Variants in ADAM32 observed in about 807,000 individuals in gnomAD.
ADAM32 encodes ADAM metallopeptidase domain 32.
A neutral mutation model predicts 114.9 loss-of-function variants in ADAM32; 89 were observed. The observed-to-expected ratio is 0.77, with a 90% CI of 0.65 to 0.92. The LOEUF is 0.92. Among genes scored for constraint, ADAM32 ranks in the 40% least tolerant of loss-of-function variants. The probability of loss-of-function intolerance (pLI) is 0.00; values close to 1 mark genes in which losing one functional copy is unlikely to be tolerated. For synonymous variants in ADAM32, 285 were observed against 307.5 expected (o/e 0.93, Z 0.77); for missense variants, 870 against 932.8 (o/e 0.93, Z 0.88).
At chr8:39,223,508 G>A (rs1461715100) in intron 14 of ADAM32, 2 of 185,024 alleles carry the variant, frequency 1.1e-5, no homozygotes, top group Non-Finnish European at 2.2e-5. Flanking sequence ...CTTTGCTGAC[G>A]TATAATTGAC....
intron 8 of ADAM32, 89 bp downstream of exon 8, chr8:39,164,924 C>A: frequency 6.7e-7 from 1 of 1,490,658 alleles, no homozygotes; most frequent in Non-Finnish European, 9.2e-7. Context: ...GATAATTAAC[C>A]CACCCATATA....
chr8:39,122,742 A>G (rs1217642521), intron 2 of ADAM32, among the ~76,000 whole-genome samples: 1 of 151,968 alleles, frequency 6.6e-6, no homozygotes, highest in Non-Finnish European at 1.5e-5. Flanking sequence ...ACGCTTGGCT[A>G]TTTTTTGGTA....
chr8:39,121,204 G>C (rs895750173), intron 2 of ADAM32, among the ~76,000 whole-genome samples: 8 of 152,190 alleles, frequency 5.3e-5, no homozygotes, highest in African/African-American at 1.4e-4. Context: ...AGTGAAGCCA[G>C]GATCAGAGAC....
chr8:39,254,820 A>G (rs1211293695), intron 18 of ADAM32, among the ~76,000 whole-genome samples: 1 of 151,824 alleles, frequency 6.6e-6, no homozygotes, highest in Non-Finnish European at 1.5e-5. Context: ...TCACCCAAGC[A>G]GTGTATACTG....
intron 2 of ADAM32, among the ~76,000 whole-genome samples, chr8:39,118,992 T>C (rs1323242541): frequency 1.3e-5 from 2 of 152,208 alleles, no homozygotes; most frequent in African/African-American, 4.8e-5. Context: ...TTTATATAAA[T>C]GGCAGCATGC....
intron 12 of ADAM32, among the ~76,000 whole-genome samples, chr8:39,217,764 T>C (rs1808689618): frequency 6.6e-6 from 1 of 152,222 alleles, no homozygotes; most frequent in African/African-American, 2.4e-5. Context: ...TTTGAATTCC[T>C]TCTCTGTGTT....
At chr8:39,152,720 C>CAAAAAA (rs112877602) in intron 6 of ADAM32, among the ~76,000 whole-genome samples, 4 of 136,904 alleles carry the variant, frequency 2.9e-5, no homozygotes, top group African/African-American at 1.2e-4. Flanking sequence ...GACTCCATCT[C>CAAAAAA]AAAAAAAAAA....
intron 12 of ADAM32, among the ~76,000 whole-genome samples, chr8:39,216,997 A>G (rs567544172): frequency 1.3e-5 from 2 of 151,848 alleles, no homozygotes; most frequent in Non-Finnish European, 2.9e-5. Flanking sequence ...TTTCTTTCTG[A>G]TTAAATAATT....
At chr8:39,207,237 ATT>A in intron 11 of ADAM32, among the ~76,000 whole-genome samples, 1 of 152,070 alleles carries the variant, frequency 6.6e-6, no homozygotes, top group South Asian at 2.1e-4. Flanking sequence ...TAGAACCTCT[ATT>A]TAATGCCTGG....
intron 11 of ADAM32, 114 bp from the exon 12 acceptor site, chr8:39,211,030 T>C (rs1011392910): frequency 1.4e-5 from 13 of 950,070 alleles, no homozygotes; most frequent in South Asian, 3.4e-5. Flanking sequence ...TAAGCACTTA[T>C]TATAAACATT....
At chr8:39,111,970 T>A (rs542678608) in intron 1 of ADAM32, among the ~76,000 whole-genome samples, 1 of 152,232 alleles carries the variant, frequency 6.6e-6, no homozygotes, top group South Asian at 2.1e-4. Flanking sequence ...CTCTGGATAT[T>A]TATAAACATA....
intron 16 of ADAM32, among the ~76,000 whole-genome samples, chr8:39,238,370 G>A (rs1015666367): frequency 6.6e-6 from 1 of 152,216 alleles, no homozygotes; most frequent in Non-Finnish European, 1.5e-5. Context: ...CTATCCCTAA[G>A]GGAAGGGATA....
At chr8:39,219,350 T>C (rs934915064) in intron 12 of ADAM32, among the ~76,000 whole-genome samples, 2 of 152,056 alleles carry the variant, frequency 1.3e-5, no homozygotes, top group Admixed American at 1.3e-4. Flanking sequence ...AGTCCTTGTG[T>C]CATAGATTGC....
chr8:39,282,330 A>T (rs114871001), intron 23 of ADAM32, among the ~76,000 whole-genome samples: 3 of 152,338 alleles, frequency 2.0e-5, no homozygotes, highest in African/African-American at 7.2e-5. Context: ...CTTGAAGTTC[A>T]CATATGCACA....
At chr8:39,149,204 C>T (rs1388661850) in intron 4 of ADAM32, among the ~76,000 whole-genome samples, 1 of 151,978 alleles carries the variant, frequency 6.6e-6, no homozygotes, top group African/African-American at 2.4e-5. Flanking sequence ...TCAATTGTGA[C>T]TTTATATATT....
At chr8:39,257,981 A>C (rs1811762979) in intron 19 of ADAM32, among the ~76,000 whole-genome samples, 1 of 152,090 alleles carries the variant, frequency 6.6e-6, no homozygotes, top group Non-Finnish European at 1.5e-5. Context: ...GGATGTCTAC[A>C]CTGAATGTTT....
At position 39,217,382 on chromosome 8, in the gene ADAM32, T is replaced by C. The variant is rs1011454124; in HGVS notation, c.1234-4228T>C. 2.6e-5 allele frequency among the ~76,000 whole-genome samples: 4 copies of C among 152,128 alleles called. No homozygotes were observed. The East Asian group carries it at 7.7e-4, about 29-fold the overall frequency. Reference sequence around the variant, plus strand: ...TGCTTGGTGTTCTATAACCTTCTTGTACTTGGATATTGATATCTTTCTCTA... The same window carrying C: ...TGCTTGGTGTTCTATAACCTTCTTGCACTTGGATATTGATATCTTTCTCTA... On this transcript the variant is annotated intron_variant, in intron 12 of 24. Coordinates refer to ENST00000379907, the MANE Select transcript of ADAM32 (RefSeq NM_145004.7).
intron 11 of ADAM32, among the ~76,000 whole-genome samples, chr8:39,200,763 C>T (rs1807342709): frequency 6.6e-6 from 1 of 152,176 alleles, no homozygotes; most frequent in East Asian, 1.9e-4. Flanking sequence ...TTAGGTCTAA[C>T]ATTTCAGTCT....
intron 11 of ADAM32, among the ~76,000 whole-genome samples, chr8:39,192,000 A>G (rs780769209): frequency 1.3e-5 from 2 of 151,956 alleles, no homozygotes; most frequent in African/African-American, 2.4e-5. Flanking sequence ...TTTGGCTGTG[A>G]CTCTGTCTGG....
Sources: allele counts gnomAD v4.1 joint callset (sites outside exome capture counted in the v4.1 genomes callset), GRCh38; gene constraint gnomAD v4.1.1; transcripts MANE v1.5; gene names NCBI Gene and HGNC (gene_info 2026-07-23, HGNC 2026-07-21).